The following FGF7 variants were observed in gnomAD, a reference collection of about 807,000 sequenced individuals.
FGF7 encodes the protein fibroblast growth factor 7.
Under a neutral mutation model 20.5 loss-of-function variants are expected in FGF7, and 6 were observed. That is an observed-to-expected ratio of 0.29 (90% CI 0.16 to 0.58). The LOEUF (loss-of-function observed/expected upper bound fraction) is 0.58. Among genes scored for constraint, FGF7 ranks in the 20% least tolerant of loss-of-function variants. FGF7 has a pLI of 0.90. For missense variants in FGF7, 144 were observed against 228.8 expected (o/e 0.63, Z 2.39); for synonymous variants, 64 against 74.7 (o/e 0.86, Z 0.74).
chr15:49,451,484 T>C (rs1323112752), intron 2 of FGF7, among the ~76,000 whole-genome samples: 1 of 152,116 alleles, frequency 6.6e-6, no homozygotes. Context: ...TATGTATATA[T>C]AGATTATAAC....
At chr15:49,427,705 A>C (rs1372946680) in intron 2 of FGF7, among the ~76,000 whole-genome samples, 2 of 152,026 alleles carry the variant, frequency 1.3e-5, no homozygotes, top group Non-Finnish European at 2.9e-5. Flanking sequence ...CACCAGCAGA[A>C]GCAATGCTTC....
chr15:49,436,874 T>C (rs1219492565), intron 2 of FGF7, among the ~76,000 whole-genome samples: 2 of 151,622 alleles, frequency 1.3e-5, no homozygotes, highest in Non-Finnish European at 3.0e-5. Context: ...TACAAATAAC[T>C]GAAGTTTTCT....
chr15:49,450,020 T>G (rs893721893), intron 2 of FGF7, among the ~76,000 whole-genome samples: 1 of 152,114 alleles, frequency 6.6e-6, no homozygotes, highest in African/African-American at 2.4e-5. Context: ...TGTGGTTGCA[T>G]GAGCCCGTAA....
At chr15:49,444,913 T>C (rs1349562688) in intron 2 of FGF7, among the ~76,000 whole-genome samples, 2 of 151,672 alleles carry the variant, frequency 1.3e-5, no homozygotes, top group Non-Finnish European at 3.0e-5. Context: ...AGAATACTGG[T>C]AATTAGAAGC....
At chr15:49,461,159 C>T (rs923943791) in intron 2 of FGF7, among the ~76,000 whole-genome samples, 2 of 152,142 alleles carry the variant, frequency 1.3e-5, no homozygotes, top group Non-Finnish European at 2.9e-5. Context: ...AAGTCCTCCT[C>T]GACTAGACTA....
intron 2 of FGF7, among the ~76,000 whole-genome samples, chr15:49,445,724 C>T (rs2052136459): frequency 6.6e-6 from 1 of 151,408 alleles, no homozygotes; most frequent in African/African-American, 2.4e-5. Flanking sequence ...ATGATAATAG[C>T]TGTCCAGTTT....
In FGF7 at chr15:49,479,599, G is replaced by GTTTTTTTT. The variant is rs56097665; in HGVS notation, c.287-3530_287-3523dup. Among the ~76,000 whole-genome samples, 220 of 63,324 alleles carry GTTTTTTTT rather than the reference G, an allele frequency of 3.5e-3. 32 individuals carry two copies. The highest frequency in any genetic ancestry group is 0.013 in the African/African-American group (215 of 15,944). The allele number at this position is 63,324 out of a possible 152,430, so 41.5% of individuals were successfully genotyped here. On this transcript the variant is annotated intron_variant, in intron 2 of 3. Coordinates refer to ENST00000267843, the MANE Select transcript of FGF7 (RefSeq NM_002009.4). ...GTAGGATTTCATAGTTAATACCTCTGTTTTTTTTTTTTTTTTTTTTTTTTT... is the reference window on the plus strand; with the variant it reads ...GTAGGATTTCATAGTTAATACCTCTGTTTTTTTTTTTTTTTTTTTTTTTTTTTTTTTTT...
At chr15:49,479,747 G>T (rs2055749508) in intron 2 of FGF7, among the ~76,000 whole-genome samples, 1 of 151,518 alleles carries the variant, frequency 6.6e-6, no homozygotes, top group African/African-American at 2.4e-5. Flanking sequence ...CCGAGTAACT[G>T]GGATTACAGA....
intron 2 of FGF7, among the ~76,000 whole-genome samples, chr15:49,469,288 T>G (rs998499205): frequency 6.6e-6 from 1 of 152,190 alleles, no homozygotes; most frequent in Non-Finnish European, 1.5e-5. Flanking sequence ...TTATACCACT[T>G]ATCGAATACT....
chr15:49,468,218 TAAG>T lies in FGF7; in HGVS notation c.287-14929_287-14927del, dbSNP rs138541029. ...CATTATAAAATATATATGGGATTAA[TAAG>T]AAGTATGTTTGATTTATTCCCTAAT... On this transcript the variant is annotated intron_variant, in intron 2 of 3. Transcript: ENST00000267843. Among the ~76,000 whole-genome samples, 1,217 of 152,258 alleles carry T rather than the reference TAAG, an allele frequency of 8.0e-3. 18 individuals are homozygous for T. The highest frequency in any genetic ancestry group is 0.028 in the African/African-American group (1,177 of 41,556).
At chr15:49,436,021 G>A (rs1240450372) in intron 2 of FGF7, among the ~76,000 whole-genome samples, 3 of 151,402 alleles carry the variant, frequency 2.0e-5, no homozygotes, top group African/African-American at 4.8e-5. Flanking sequence ...ATATCTCCAT[G>A]CTGTAAGCTT....
At chr15:49,463,117 C>T (rs2053949303) in intron 2 of FGF7, among the ~76,000 whole-genome samples, 1 of 152,220 alleles carries the variant, frequency 6.6e-6, no homozygotes. Flanking sequence ...GATTCTTGCC[C>T]TGGAGTAGGC....
rs563473641 is a variant in FGF7 at position 49,423,377 on chromosome 15, A to G, written c.-330A>G. The G allele has an allele frequency of 2.0e-5, 3 of 152,316 alleles. No individual in the cohort carries two copies. In the East Asian group the frequency reaches 5.8e-4, roughly 29 times the overall value. 9.4% of individuals were successfully genotyped at this position (152,316 alleles called of 1,614,324 possible). ...GTTTGTAGCTACAGTAGAAAGGCTC[A>G]AGTTGCACCAGGCAGACAACAGACA... On this transcript the variant is annotated 5_prime_UTR_variant, in exon 1 of 4. Coordinates refer to ENST00000267843, the MANE Select transcript of FGF7 (RefSeq NM_002009.4).
intron 2 of FGF7, among the ~76,000 whole-genome samples, chr15:49,441,063 TTACAACTTTAAAATGAATGAGTAAA>T (rs2051592015): frequency 6.6e-6 from 1 of 151,878 alleles, no homozygotes; most frequent in African/African-American, 2.4e-5. Context: ...TATGAATAGC[TTACAACTTTAAAATGAATGAGTAAA>T]TAAGATAATT....
rs570823638 is a variant in FGF7, at chr15:49,439,904, T to C, written c.286+15321T>C. On this transcript the variant is annotated intron_variant, in intron 2 of 3. Transcript: ENST00000267843. ...CATGAGATCATAGAGTCCAGAGATTTTGACATGAAGTTTGCAGATAGCCCT... is the reference window on the plus strand; with the variant it reads ...CATGAGATCATAGAGTCCAGAGATTCTGACATGAAGTTTGCAGATAGCCCT... Among the ~76,000 whole-genome samples the C allele has an allele frequency of 2.0e-5, 3 of 151,866 alleles. No individual in the cohort carries two copies. In the East Asian group the frequency reaches 5.8e-4, roughly 30 times the overall value.
chr15:49,484,613 G>A lies in FGF7; in HGVS notation c.*109G>A, dbSNP rs1356629873. ...CTTTTATTTTTTAGTAATCAAGAAAGGCTGGAAAACTACTGAAAAACTGAT... is the reference window on the plus strand; with the variant it reads ...CTTTTATTTTTTAGTAATCAAGAAAAGCTGGAAAACTACTGAAAAACTGAT... On this transcript the variant is annotated 3_prime_UTR_variant, in exon 4 of 4. Transcript: ENST00000267843. 1 of 533,808 alleles carries A rather than the reference G, an allele frequency of 1.9e-6. No individual in the cohort carries two copies. The highest frequency in any genetic ancestry group is 2.0e-5 in the African/African-American group (1 of 50,040). 33.1% of individuals were successfully genotyped at this position (533,808 alleles called of 1,614,324 possible). A position where few individuals can be genotyped will look rare whatever the true frequency, so the allele number is the denominator to read the frequency against.
chr15:49,433,037 T>C (rs1457422223), intron 2 of FGF7, among the ~76,000 whole-genome samples: 1 of 151,548 alleles, frequency 6.6e-6, no homozygotes, highest in African/African-American at 2.4e-5. Context: ...AATTTGTTGC[T>C]ATTTCAATTA....
intron 2 of FGF7, among the ~76,000 whole-genome samples, chr15:49,470,853 T>C (rs1467223321): frequency 6.6e-6 from 1 of 152,204 alleles, no homozygotes; most frequent in Non-Finnish European, 1.5e-5. Flanking sequence ...GGGTGTCATC[T>C]AGAAAGAATG....
At chr15:49,466,532 T>C (rs6493372) in intron 2 of FGF7, among the ~76,000 whole-genome samples, 37,948 of 152,086 alleles carry the variant, frequency 0.25, 5,697 homozygotes, top group Non-Finnish European at 0.35. Context: ...TTGTTTTTAA[T>C]AGAGTATACC....
Sources: allele counts gnomAD v4.1 joint callset (sites outside exome capture counted in the v4.1 genomes callset), GRCh38; gene constraint gnomAD v4.1.1; transcripts MANE v1.5; gene names NCBI Gene and HGNC (gene_info 2026-07-23, HGNC 2026-07-21).